PCBD2: variants seen among roughly 807,000 people sequenced by gnomAD.
PCBD2 encodes pterin-4-alpha-carbinolamine dehydratase 2.
PCBD2 carries 12 observed loss-of-function variants against 16.4 expected under a neutral mutation model. The ratio of observed to expected loss-of-function variants is 0.73; its 90% CI spans 0.47 to 1.19. PCBD2 has a LOEUF of 1.19. PCBD2 is among the 50% of genes most tolerant of loss of function. The pLI, the probability that PCBD2 is intolerant of heterozygous loss-of-function variation, is 0.00. For synonymous variants in PCBD2, 58 were observed against 61.8 expected, an observed-to-expected ratio of 0.94 and a Z score of 0.29; for missense variants, 138 against 156.8, an observed-to-expected ratio of 0.88 and a Z score of 0.64.
intron 2 of PCBD2, among the ~76,000 whole-genome samples, 158 bp from the exon 3 acceptor site, chr5:134,958,882 C>T (rs1233498313): frequency 1.3e-5 from 2 of 152,116 alleles, no homozygotes; most frequent in South Asian, 2.1e-4. Context: ...GCACTGTGAC[C>T]CCAGAGGCCT....
intron 2 of PCBD2, among the ~76,000 whole-genome samples, chr5:134,932,763 C>T (rs937686816): frequency 9.9e-5 from 15 of 152,142 alleles, no homozygotes; most frequent in Non-Finnish European, 1.6e-4. Context: ...TGATTACAGG[C>T]GAGAGTCACC....
chr5:134,927,897 T>C (rs1751036197), intron 2 of PCBD2: 1 of 396,764 alleles, frequency 2.5e-6, no homozygotes, highest in Non-Finnish European at 4.4e-6. Context: ...AAATAGGTTG[T>C]TGTTGATTTG....
intron 2 of PCBD2, among the ~76,000 whole-genome samples, chr5:134,911,831 A>G (rs1019678256): frequency 3.9e-5 from 6 of 152,230 alleles, no homozygotes; most frequent in Non-Finnish European, 8.8e-5. Context: ...CACGTGCTCA[A>G]CAGCTCTTGT....
At chr5:134,912,497 C>G (rs1201236835) in intron 2 of PCBD2, among the ~76,000 whole-genome samples, 1 of 152,162 alleles carries the variant, frequency 6.6e-6, no homozygotes, top group African/African-American at 2.4e-5. Context: ...GGACTTTACT[C>G]TGGATTAGAT....
Position 134,960,857 on chromosome 5 carries a change from C to T in PCBD2, c.*176C>T. Reference sequence around the variant, plus strand: ...TCTCGGCTCACTGTAACCTCCGCCTCCCAGGTTCAGGTGATTCTCCTGCCT... The same window carrying T: ...TCTCGGCTCACTGTAACCTCCGCCTTCCAGGTTCAGGTGATTCTCCTGCCT... On this transcript the variant is annotated 3_prime_UTR_variant, in exon 4 of 4. Coordinates refer to ENST00000254908, the MANE Select transcript of PCBD2 (RefSeq NM_032151.5). 2 of 511,316 alleles carry T rather than the reference C, an allele frequency of 3.9e-6. No individual in the cohort carries two copies. Among genetic ancestry groups the T allele is most frequent in the Non-Finnish European group, 6.9e-6 (2 of 289,792 alleles). The allele number at this position is 511,316 out of a possible 1,614,324, so 31.7% of individuals were successfully genotyped here.
chr5:134,915,207 CAGG>C (rs1300549272), intron 2 of PCBD2, among the ~76,000 whole-genome samples: 1 of 151,762 alleles, frequency 6.6e-6, no homozygotes, highest in East Asian at 2.0e-4. Flanking sequence ...CCCAGCTACT[CAGG>C]AGGCTGAGGG....
intron 2 of PCBD2, chr5:134,926,561 A>G (rs1751000236): frequency 5.1e-6 from 2 of 395,918 alleles, no homozygotes. Flanking sequence ...ACATGGGGAT[A>G]TGAGTTAGCA....
At position 134,959,883 on chromosome 5, in the gene PCBD2, C is replaced by CTTT. The variant is rs776164485; in HGVS notation, c.298-680_298-678dup. ...CCCATTTCCCTAATTTAGAAATGTG[C>CTTT]TTTTTTTTTTTTTTTTTTTTTTTTT... On this transcript the variant is annotated intron_variant, in intron 3 of 3. Coordinates refer to ENST00000254908, the MANE Select transcript of PCBD2 (RefSeq NM_032151.5). 4.1e-3 allele frequency among the ~76,000 whole-genome samples: 301 copies of CTTT among 73,050 alleles called. 6 individuals are homozygous for CTTT. Among genetic ancestry groups the CTTT allele is most frequent in the East Asian group, 0.015 (26 of 1,786 alleles). 47.9% of individuals were successfully genotyped at this position (73,050 alleles called of 152,430 possible).
chr5:134,912,810 C>T lies in PCBD2; in HGVS notation c.216+2344C>T, dbSNP rs529522816. ...GGACTGGTTGATAGTACCAGGCCAG[C>T]GCCCAGGTGTCAGGAGTTGGTTTTC... On this transcript the variant is annotated intron_variant, in intron 2 of 3. Coordinates refer to ENST00000254908, the MANE Select transcript of PCBD2 (RefSeq NM_032151.5). 1.2e-4 allele frequency among the ~76,000 whole-genome samples: 19 copies of T among 152,274 alleles called. No individual in the cohort carries two copies. In the South Asian group the frequency reaches 1.9e-3, roughly 15 times the overall value.
intron 2 of PCBD2, among the ~76,000 whole-genome samples, chr5:134,930,882 T>C (rs1296580499): frequency 6.6e-6 from 1 of 152,220 alleles, no homozygotes; most frequent in African/African-American, 2.4e-5. Context: ...TTTCCTTTTC[T>C]GTGACCACTG....
At chr5:134,949,570 A>G (rs1321168648) in intron 2 of PCBD2, among the ~76,000 whole-genome samples, 1 of 152,252 alleles carries the variant, frequency 6.6e-6, no homozygotes, top group Admixed American at 6.5e-5. Flanking sequence ...TATGTCTGAC[A>G]GTCCAGAGAA....
intron 2 of PCBD2, among the ~76,000 whole-genome samples, chr5:134,921,726 G>C (rs1296699972): frequency 6.6e-6 from 1 of 152,164 alleles, no homozygotes; most frequent in Non-Finnish European, 1.5e-5. Context: ...CTGGTGATTT[G>C]TTACCAAGAA....
intron 2 of PCBD2, among the ~76,000 whole-genome samples, chr5:134,958,659 G>C (rs1751440267): frequency 6.6e-6 from 1 of 152,186 alleles, no homozygotes; most frequent in Non-Finnish European, 1.5e-5. Flanking sequence ...AAAAGGAACA[G>C]AGCTGCAAGA....
chr5:134,926,208 A>G (rs79182507), intron 2 of PCBD2: 1 of 321,730 alleles, frequency 3.1e-6, no homozygotes, highest in Admixed American at 4.9e-5. Context: ...TTATGGAGAA[A>G]TAATCTAGTT....
chr5:134,918,163 G>A (rs1750854927), intron 2 of PCBD2, among the ~76,000 whole-genome samples: 1 of 152,184 alleles, frequency 6.6e-6, no homozygotes. Context: ...GGATAGGGAA[G>A]CACTCCCAAA....
intron 2 of PCBD2, among the ~76,000 whole-genome samples, chr5:134,952,237 T>C (rs954665192): frequency 6.6e-6 from 1 of 151,894 alleles, no homozygotes; most frequent in African/African-American, 2.4e-5. Context: ...AGAAAAATGA[T>C]GCTGCCTTTG....
At chr5:134,946,962 A>T (rs987321154) in intron 2 of PCBD2, among the ~76,000 whole-genome samples, 3 of 152,180 alleles carry the variant, frequency 2.0e-5, no homozygotes, top group Non-Finnish European at 4.4e-5. Context: ...ATAGGGCAAG[A>T]TAGTTTTATG....
chr5:134,946,720 C>G (rs1350967728), intron 2 of PCBD2, among the ~76,000 whole-genome samples: 1 of 152,128 alleles, frequency 6.6e-6, no homozygotes, highest in Non-Finnish European at 1.5e-5. Flanking sequence ...CTAAGCCAAA[C>G]TTAGGTGTTG....
chr5:134,943,325 T>C (rs527279346), intron 2 of PCBD2, among the ~76,000 whole-genome samples: 5 of 152,260 alleles, frequency 3.3e-5, no homozygotes, highest in South Asian at 2.1e-4. Flanking sequence ...GGGGACGGTA[T>C]ACATAAGGTG....
Sources: gnomAD v4.1 joint callset for allele counts (sites outside exome capture counted in the v4.1 genomes callset) on GRCh38, gnomAD v4.1.1 for gene constraint, MANE v1.5 for transcripts, NCBI Gene and HGNC (gene_info 2026-07-23, HGNC 2026-07-21) for gene names.